The following DUOX2 variants were observed in gnomAD, a reference collection of about 807,000 sequenced individuals.
The protein encoded by DUOX2 is dual oxidase 2.
In DUOX2, 185 loss-of-function variants were observed where a neutral mutation model predicts 183.3. That is an observed-to-expected ratio of 1.01 (90% CI 0.90 to 1.14). The LOEUF is 1.14. Ranked by LOEUF, DUOX2 falls within the 50% of genes most tolerant of loss-of-function variation. The pLI is 0.00. For synonymous variants in DUOX2, 788 were observed against 812.4 expected (o/e 0.97, Z 0.51); for missense variants, 1,999 against 2,022.9 (o/e 0.99, Z 0.23).
chr15:45,106,911 G>A lies in DUOX2; in HGVS notation c.1752C>T (p.Pro584=). The A allele has an allele frequency of 6.3e-7, 1 of 1,583,282 alleles. No homozygotes were observed. Among genetic ancestry groups the A allele is most frequent in the South Asian group, 1.2e-5 (1 of 86,264 alleles). The part of the protein sequence containing the change: ...LTTDGLPQCA[P]LTVLDFFEGS... ...CTTCAAAGAAGTCAAGCACAGTCAG[G>A]GGTGCACACTGGGGCAGGCCGTCAG... The change falls in exon 15 of 34, where the codon CCC becomes CCT. Residue 584 remains proline, a synonymous_variant. Transcript: ENST00000389039.
intron 31 of DUOX2, 86 bp downstream of exon 31, chr15:45,095,351 G>A (rs1893871880): frequency 6.3e-6 from 10 of 1,580,814 alleles, no homozygotes; most frequent in Non-Finnish European, 7.8e-6. Flanking sequence ...CTGGAGCCAG[G>A]AGCTTTCTCT....
intron 9 of DUOX2, among the ~76,000 whole-genome samples, 171 bp from the exon 10 acceptor site, chr15:45,110,151 T>C (rs1369556597): frequency 6.6e-6 from 1 of 152,002 alleles, no homozygotes; most frequent in African/African-American, 2.4e-5. Flanking sequence ...TAGAGTGCGC[T>C]CCTAGTCCAG....
At chr15:45,104,082 T>A in intron 19 of DUOX2, 29 bp from the exon 20 acceptor site, 2 of 1,614,082 alleles carry the variant, frequency 1.2e-6, no homozygotes, top group Non-Finnish European at 1.7e-6. Context: ...ATGCAGGTCA[T>A]CTCCTTGCTG....
intron 26 of DUOX2, 66 bp downstream of exon 26, chr15:45,099,317 T>G (rs1893996450): frequency 5.3e-6 from 8 of 1,498,882 alleles, no homozygotes; most frequent in Non-Finnish European, 5.6e-6. Flanking sequence ...GCCTGCCTAT[T>G]TCTTTTTCTA....
chr15:45,098,153 T>G, intron 26 of DUOX2, 95 bp from the exon 27 acceptor site: 1 of 1,255,996 alleles, frequency 8.0e-7, no homozygotes, highest in African/African-American at 1.5e-5. Flanking sequence ...TGGCCCTGAC[T>G]GCTGAGGGTA....
Position 45,112,624 on chromosome 15 carries a change from G to A in DUOX2, c.255C>T (p.Ser85=), listed in dbSNP as rs768270594. Residue 85 remains serine, a synonymous_variant, in exon 4 of 34, where the codon AGC becomes AGT. Coordinates refer to ENST00000389039, the MANE Select transcript of DUOX2 (RefSeq NM_001363711.2). ...EPQLPNPRRL[S]NAATRGIAGL... ...CGGCTATGCCCCGCGTGGCTGCGTT[G>A]CTGAGCCGGCGCGGGTTGGGCAGCT... 47 of 1,612,720 alleles carry A rather than the reference G, an allele frequency of 2.9e-5. No homozygotes were observed. The highest frequency in any genetic ancestry group is 4.0e-5 in the Non-Finnish European group (47 of 1,179,828).
chr15:45,100,322 G>A (rs1894047596), intron 23 of DUOX2, 94 bp from the exon 24 acceptor site: 1 of 1,257,712 alleles, frequency 8.0e-7, no homozygotes, highest in Non-Finnish European at 1.1e-6. Context: ...GATCTGGCAG[G>A]CATCAGGATG....
chr15:45,100,632 C>G, intron 23 of DUOX2, 123 bp downstream of exon 23: 2 of 881,460 alleles, frequency 2.3e-6, no homozygotes, highest in South Asian at 2.6e-5. Context: ...TCAGTCAGGT[C>G]AGGAACAAAT....
At chr15:45,113,162 G>A in intron 2 of DUOX2, 86 bp from the exon 3 acceptor site, 1 of 1,499,098 alleles carries the variant, frequency 6.7e-7, no homozygotes, top group Non-Finnish European at 9.1e-7. Context: ...TCCTTCCCCA[G>A]CTCGCGGAGC....
chr15:45,109,540 C>A lies in DUOX2; in HGVS notation c.1218G>T (p.Val406=). ...SQISELEDNI[V]VEDLRDYWPG... Reference sequence around the variant, plus strand: ...TGAGCTCACCCCTCAGATCTTCAACCACTATGTTGTCCTCCAACTCCGAAA... The same window carrying A: ...TGAGCTCACCCCTCAGATCTTCAACAACTATGTTGTCCTCCAACTCCGAAA... Residue 406 remains valine (V), a synonymous_variant, in exon 11 of 34, where the codon GTG becomes GTT. Transcript: ENST00000389039. The A allele has an allele frequency of 1.2e-6, 2 of 1,614,112 alleles. No homozygotes were observed. Among genetic ancestry groups the A allele is most frequent in the African/African-American group, 1.3e-5 (1 of 75,028 alleles).
In DUOX2 at chr15:45,094,104, A is replaced by G. The variant is rs1893829325; in HGVS notation, c.*46T>C. 3 of 1,613,964 alleles carry G rather than the reference A, an allele frequency of 1.9e-6. No individual in the cohort carries two copies. Among genetic ancestry groups the G allele is most frequent in the Non-Finnish European group, 2.5e-6 (3 of 1,179,990 alleles). On this transcript the variant is annotated 3_prime_UTR_variant, in exon 34 of 34. Coordinates refer to ENST00000389039, the MANE Select transcript of DUOX2 (RefSeq NM_001363711.2). ...GCAGGGCTGGGCAACTTAGGTGCAC[A>G]GAAGAGAAGGCAGGATACTGGAAGC...
rs1893991448 is a variant in DUOX2, at chr15:45,099,235, C to A, written c.3515+148G>T. 11 of 645,770 alleles carry A rather than the reference C, an allele frequency of 1.7e-5. No homozygotes were observed. In the South Asian group the frequency reaches 1.7e-4, roughly 10 times the overall value. 40.0% of individuals were successfully genotyped at this position (645,770 alleles called of 1,614,324 possible). ...CCGTGTTAGCCAGGATGGTCTCGAT[C>A]TCCTGACCTCGTGATCCGCCCACCT... On this transcript the variant is annotated intron_variant, in intron 26 of 33. Transcript: ENST00000389039.
At position 45,110,491 on chromosome 15, in the gene DUOX2, G is replaced by A. The variant is rs1224220219; in HGVS notation, c.977C>T (p.Pro326Leu). 8 of 1,614,132 alleles carry A rather than the reference G, an allele frequency of 5.0e-6. No individual in the cohort carries two copies. Among genetic ancestry groups the A allele is most frequent in the Middle Eastern group, 3.3e-4 (2 of 6,060 alleles). Residue 326 changes from proline to leucine, a missense_variant, in exon 9 of 34, where the codon CCG becomes CTG. Pro to Leu is a moderately conservative substitution (Grantham distance 98). Around this residue, in one of 3 missense-constraint regions of DUOX2, gnomAD observed 1,628 missense variants for 1,608.6 expected, o/e 1.01. Transcript: ENST00000389039. ...YRPFLDPSIS[P>L]EFVVASEQFF... ...CTGCTCAGAGGCCACCACAAATTCC[G>A]GGGAGATGCTGGGGTCTAGGAAAGG...
chr15:45,108,916 T>C lies in DUOX2; in HGVS notation c.1271A>G (p.Asp424Gly), dbSNP rs985552458. ...WPGPGKFSRT[D>G]YVASSIQRGR... ...ACGTTGGATGCTGCTGGCCACATAGTCTGTACGGGAGAATTTGCCAGGGCC... is the reference window on the plus strand; with the variant it reads ...ACGTTGGATGCTGCTGGCCACATAGCCTGTACGGGAGAATTTGCCAGGGCC... The change falls in exon 12 of 34, where the codon GAC (aspartate) becomes GGC (glycine). Residue 424 changes from aspartate (D) to glycine (G), a missense_variant. Asp to Gly is a moderately conservative substitution (Grantham distance 94). Coordinates refer to ENST00000389039, the MANE Select transcript of DUOX2 (RefSeq NM_001363711.2). 24 of 1,614,076 alleles carry C rather than the reference T, an allele frequency of 1.5e-5. No individual in the cohort carries two copies. Among genetic ancestry groups the C allele is most frequent in the Non-Finnish European group, 2.0e-5 (24 of 1,180,042 alleles).
chr15:45,094,407 AG>A, intron 33 of DUOX2, 135 bp from the exon 34 acceptor site: 1 of 1,528,526 alleles, frequency 6.5e-7, no homozygotes, highest in East Asian at 2.4e-5. Flanking sequence ...CTTAACGTGG[AG>A]GGGGTGGAAG....
chr15:45,099,486 G>C lies in DUOX2; in HGVS notation c.3416-4C>G, dbSNP rs779741540. ...GCGTGGCCAGCACTGTGCAAAACTG[G>C]AAGAGACAGACCCTGTTAGAGATGC... On this transcript the variant is annotated splice_polypyrimidine_tract_variant and splice_region_variant and intron_variant, in intron 25 of 33. Coordinates refer to ENST00000389039, the MANE Select transcript of DUOX2 (RefSeq NM_001363711.2). The C allele has an allele frequency of 6.2e-7, 1 of 1,613,642 alleles. No homozygotes were observed.
At position 45,108,912 on chromosome 15, in the gene DUOX2, A is replaced by C. The variant is rs761385278; in HGVS notation, c.1275T>G (p.Tyr425Ter). 1.8e-5 allele frequency: 29 copies of C among 1,614,116 alleles called. No individual in the cohort carries two copies. The highest frequency in any genetic ancestry group is 1.8e-4 in the South Asian group (16 of 91,088). Residue 425 changes from tyrosine (Y) to a stop codon, truncating the protein, a stop_gained, in exon 12 of 34, where the codon TAT (tyrosine) becomes TAG (stop). Transcript: ENST00000389039. LOFTEE classifies it high-confidence loss of function. The part of the protein sequence containing the change: ...PGPGKFSRTD[Y>*]VASSIQRGRD... Reference sequence around the variant, plus strand: ...GGCCACGTTGGATGCTGCTGGCCACATAGTCTGTACGGGAGAATTTGCCAG... The same window carrying C: ...GGCCACGTTGGATGCTGCTGGCCACCTAGTCTGTACGGGAGAATTTGCCAG...
At position 45,098,034 on chromosome 15, in the gene DUOX2, A is replaced by T. The variant is rs745999464; in HGVS notation, c.3540T>A (p.Tyr1180Ter). 1 of 1,614,072 alleles carries T rather than the reference A, an allele frequency of 6.2e-7. No individual in the cohort carries two copies. The highest frequency in any genetic ancestry group is 2.2e-5 in the East Asian group (1 of 44,880). The change falls in exon 27 of 34, where the codon TAT (tyrosine) becomes TAA (stop). Residue 1180 changes from tyrosine (Y) to a stop codon, truncating the protein, a stop_gained. Coordinates refer to ENST00000389039, the MANE Select transcript of DUOX2 (RefSeq NM_001363711.2). LOFTEE classifies it high-confidence loss of function. The stretch of plus-strand genomic sequence containing the variant: ...CTGGGACGGTCTGGAAGAACCACCA[A>T]TAGAACTTCTGGGGAAGCTTGGACC... The part of the protein sequence containing the change: ...NDGSKLPQKF[Y>*]WWFFQTVPGM...
chr15:45,097,974 C>A, intron 27 of DUOX2, 35 bp downstream of exon 27: 1 of 1,609,304 alleles, frequency 6.2e-7, no homozygotes, highest in South Asian at 1.1e-5. Context: ...AAGCAGAAGT[C>A]CTCAGACAGA....
Sources: gnomAD v4.1 joint callset for allele counts (sites outside exome capture counted in the v4.1 genomes callset) on GRCh38, gnomAD v4.1.1 for gene constraint, gnomAD v4.1.1 regional missense constraint, MANE v1.5 for transcripts, NCBI Gene and HGNC (gene_info 2026-07-23, HGNC 2026-07-21) for gene names.